Variants in TBC1D5 observed in about 807,000 individuals in gnomAD.
The protein encoded by TBC1D5 is TBC1 domain family member 5, also known as TBC1 domain family, member 5.
A neutral mutation model predicts 100.3 loss-of-function variants in TBC1D5; 75 were observed. The observed-to-expected ratio is 0.75, with a 90% CI of 0.62 to 0.91. TBC1D5 has a LOEUF of 0.91. Ranked by LOEUF, TBC1D5 falls within the 40% of genes least tolerant of loss-of-function variation. The pLI, the probability that TBC1D5 is intolerant of heterozygous loss-of-function variation, is 0.00. For missense variants in TBC1D5, 910 were observed against 942.4 expected (o/e 0.97, Z 0.45); for synonymous variants, 323 against 325.6 (o/e 0.99, Z 0.09).
chr3:17,442,512 C>CCAGACA (rs2094686907), intron 3 of TBC1D5, among the ~76,000 whole-genome samples: 1 of 152,184 alleles, frequency 6.6e-6, no homozygotes, highest in Non-Finnish European at 1.5e-5. Flanking sequence ...TATGATAAAA[C>CCAGACA]CAGACACAGT....
intron 1 of TBC1D5, among the ~76,000 whole-genome samples, chr3:17,719,335 C>T (rs1416887949): frequency 6.6e-6 from 1 of 152,136 alleles, no homozygotes; most frequent in African/African-American, 2.4e-5. Context: ...CAGAGCACCA[C>T]AAAAATCACC....
chr3:17,269,633 G>T (rs1048165183), intron 15 of TBC1D5, among the ~76,000 whole-genome samples: 3 of 151,780 alleles, frequency 2.0e-5, no homozygotes, highest in African/African-American at 7.3e-5. Flanking sequence ...TATGGGTCTT[G>T]TCTCCCTCCC....
intron 1 of TBC1D5, among the ~76,000 whole-genome samples, chr3:17,699,059 C>T (rs1434652337): frequency 1.3e-5 from 2 of 151,570 alleles, no homozygotes; most frequent in Non-Finnish European, 2.9e-5. Flanking sequence ...GCCCAAAGGA[C>T]TATAAATCAT....
At chr3:17,458,590 G>C (rs1332898457) in intron 3 of TBC1D5, among the ~76,000 whole-genome samples, 1 of 152,138 alleles carries the variant, frequency 6.6e-6, no homozygotes, top group Non-Finnish European at 1.5e-5. Context: ...GTGTACAGCT[G>C]TGTCTTATCC....
chr3:17,274,659 T>C (rs1326402155), intron 15 of TBC1D5, among the ~76,000 whole-genome samples: 1 of 152,218 alleles, frequency 6.6e-6, no homozygotes, highest in Admixed American at 6.5e-5. Flanking sequence ...CTGGTGCTGT[T>C]CCTCAAAGGC....
chr3:17,562,901 AC>A (rs2096568828), intron 2 of TBC1D5, among the ~76,000 whole-genome samples: 1 of 152,264 alleles, frequency 6.6e-6, no homozygotes, highest in Non-Finnish European at 1.5e-5. Flanking sequence ...GAGAATACCT[AC>A]AATTTTTAAA....
At chr3:17,408,353 G>A (rs2152461626) in intron 4 of TBC1D5, among the ~76,000 whole-genome samples, 1 of 151,192 alleles carries the variant, frequency 6.6e-6, no homozygotes, top group South Asian at 2.1e-4. Flanking sequence ...TTGGTCATCA[G>A]GATGGAGTAC....
chr3:17,553,275 A>G (rs1444399676), intron 2 of TBC1D5, among the ~76,000 whole-genome samples: 3 of 152,156 alleles, frequency 2.0e-5, no homozygotes, highest in Non-Finnish European at 1.5e-5. Flanking sequence ...ATCTTTTAAA[A>G]TGTTCCTTGT....
rs540519169 is a variant in TBC1D5 at position 17,445,528 on chromosome 3, A to C, written c.98-17009T>G. Reference sequence around the variant, plus strand: ...TATTAACCTTCAGTTTCCATACAGCAGTCTTTTCTTATTTGTGGTCTTGCT... The same window carrying C: ...TATTAACCTTCAGTTTCCATACAGCCGTCTTTTCTTATTTGTGGTCTTGCT... On this transcript the variant is annotated intron_variant, in intron 3 of 21. Transcript: ENST00000253692. Among the ~76,000 whole-genome samples, 6 of 152,308 alleles carry C rather than the reference A, an allele frequency of 3.9e-5. No homozygotes were observed. The South Asian group carries it at 1.2e-3, about 32-fold the overall frequency.
intron 19 of TBC1D5, among the ~76,000 whole-genome samples, chr3:17,181,536 C>T (rs2068453998): frequency 6.6e-6 from 1 of 152,196 alleles, no homozygotes; most frequent in South Asian, 2.1e-4. Flanking sequence ...CATTCATAAG[C>T]AGGCTGAGTT....
chr3:17,532,649 T>C (rs1447122710), intron 2 of TBC1D5, among the ~76,000 whole-genome samples: 4 of 152,178 alleles, frequency 2.6e-5, no homozygotes, highest in Admixed American at 6.5e-5. Flanking sequence ...TGGAATACTA[T>C]GCAGCCATAA....
At chr3:17,493,598 T>C (rs2095665785) in intron 3 of TBC1D5, among the ~76,000 whole-genome samples, 1 of 152,194 alleles carries the variant, frequency 6.6e-6, no homozygotes, top group South Asian at 2.1e-4. Context: ...CATAACCCCA[T>C]AGTTCTCAGA....
chr3:17,455,668 T>C (rs1254853010), intron 3 of TBC1D5, among the ~76,000 whole-genome samples: 1 of 151,742 alleles, frequency 6.6e-6, no homozygotes, highest in African/African-American at 2.4e-5. Context: ...AGAAACCCCA[T>C]GTCTATAAAA....
chr3:17,289,477 T>C (rs1223266342), intron 15 of TBC1D5, among the ~76,000 whole-genome samples: 1 of 151,796 alleles, frequency 6.6e-6, no homozygotes, highest in Non-Finnish European at 1.5e-5. Flanking sequence ...CTACTAAAAA[T>C]ACAAAAATTA....
At chr3:17,451,201 G>A (rs1402924070) in intron 3 of TBC1D5, among the ~76,000 whole-genome samples, 1 of 152,138 alleles carries the variant, frequency 6.6e-6, no homozygotes, top group African/African-American at 2.4e-5. Flanking sequence ...GTCACCACCA[G>A]GCCTGCCTTA....
At chr3:17,317,940 C>A (rs550383391) in intron 13 of TBC1D5, among the ~76,000 whole-genome samples, 118 of 151,788 alleles carry the variant, frequency 7.8e-4, no homozygotes, top group Non-Finnish European at 1.3e-3. Context: ...ATGTTTATTG[C>A]GGCACTATTC....
intron 18 of TBC1D5, among the ~76,000 whole-genome samples, chr3:17,198,752 G>T (rs532511863): frequency 9.3e-4 from 141 of 152,262 alleles, no homozygotes; most frequent in African/African-American, 3.3e-3. Flanking sequence ...CTGCATCCTT[G>T]AAGACACAGG....
intron 20 of TBC1D5, 105 bp downstream of exon 21, chr3:17,167,644 G>T: frequency 1.0e-6 from 1 of 975,150 alleles, no homozygotes; most frequent in South Asian, 1.4e-5. Flanking sequence ...GAGGAAATGA[G>T]GGTTAGGGGG....
At chr3:17,261,165 A>G (rs2078245263) in intron 15 of TBC1D5, among the ~76,000 whole-genome samples, 1 of 152,246 alleles carries the variant, frequency 6.6e-6, no homozygotes, top group African/African-American at 2.4e-5. Flanking sequence ...CAATTTACCT[A>G]TAATTCTTCT....
Sources: gnomAD v4.1 joint callset for allele counts (sites outside exome capture counted in the v4.1 genomes callset) on GRCh38, gnomAD v4.1.1 for gene constraint, MANE v1.5 for transcripts, NCBI Gene and HGNC (gene_info 2026-07-23, HGNC 2026-07-21) for gene names.